The following ZEB2 variants were observed in gnomAD, a reference collection of about 807,000 sequenced individuals.
ZEB2 encodes zinc finger E-box binding homeobox 2.
In ZEB2, 6 loss-of-function variants were observed where a neutral mutation model predicts 99.9. The observed-to-expected ratio is 0.06, with a 90% CI of 0.03 to 0.12. ZEB2 has a LOEUF of 0.12. Among genes scored for constraint, ZEB2 ranks in the 10% least tolerant of loss-of-function variants. The pLI, the probability that ZEB2 is intolerant of heterozygous loss-of-function variation, is 1.00. For synonymous variants in ZEB2, 517 were observed against 542.5 expected (o/e 0.95, Z 0.65); for missense variants, 969 against 1,502.8 (o/e 0.64, Z 5.87).
In ZEB2 at chr2:144,399,637, C is replaced by T; in HGVS notation, c.1550G>A (p.Ser517Asn). ...NIPPVGLPVVSHNGATKSIID... is the reference protein window; with the variant it reads ...NIPPVGLPVVNHNGATKSIID... ...AATACTTTTAGTGGCACCATTATGA[C>T]TCACTACCGGAAGACCGACAGGCGG... is the stretch of plus-strand genomic sequence containing the variant. Residue 517 changes from serine (S) to asparagine (N), a missense_variant, in exon 8 of 10, where the codon AGT becomes AAT. Ser to Asn is a conservative substitution (Grantham distance 46, BLOSUM62 1). Around this residue, in one of 8 missense-constraint regions of ZEB2, gnomAD observed 227 missense variants for 278.2 expected, o/e 0.82. Transcript: ENST00000627532. This position sits in a 1 kb window ranked among gnomAD's most constrained non-coding sequence, Gnocchi z 5.6. The T allele has an allele frequency of 6.2e-7, 1 of 1,614,168 alleles. No individual in the cohort carries two copies. The highest frequency in any genetic ancestry group is 1.1e-5 in the South Asian group (1 of 91,088).
rs1206439177 is a variant in ZEB2 at position 144,500,643 on chromosome 2, A to T, written c.73+16635T>A. 2.0e-5 allele frequency among the ~76,000 whole-genome samples: 3 copies of T among 152,156 alleles called. No homozygotes were observed. The East Asian group carries it at 5.8e-4, about 29-fold the overall frequency. On this transcript the variant is annotated intron_variant, in intron 2 of 9. Coordinates refer to ENST00000627532, the MANE Select transcript of ZEB2 (RefSeq NM_014795.4). ...ACTAGTATCAGTTGGGGCTGATGAA[A>T]TGATAATCAAAACAATGGGCTTTCC... is the stretch of plus-strand genomic sequence containing the variant.
intron 2 of ZEB2, chr2:144,512,758 A>G: frequency 7.8e-7 from 1 of 1,287,238 alleles, no homozygotes; most frequent in Non-Finnish European, 1.0e-6. Context: ...CCAAAATAAA[A>G]CAAATAGATC....
intron 2 of ZEB2, among the ~76,000 whole-genome samples, chr2:144,468,621 G>T (rs145302591): frequency 2.6e-5 from 4 of 152,022 alleles, no homozygotes; most frequent in Non-Finnish European, 4.4e-5. Flanking sequence ...TAGCACATGT[G>T]TGTGTGCATG....
At chr2:144,485,045 G>C (rs1483925798) in intron 2 of ZEB2, among the ~76,000 whole-genome samples, 1 of 152,118 alleles carries the variant, frequency 6.6e-6, no homozygotes, top group Non-Finnish European at 1.5e-5. Flanking sequence ...ATGAAAATAA[G>C]ACTATGGATC....
intron 4 of ZEB2, among the ~76,000 whole-genome samples, chr2:144,417,875 A>T (rs926866096): frequency 2.6e-5 from 4 of 152,230 alleles, no homozygotes; most frequent in Non-Finnish European, 5.9e-5. Flanking sequence ...AAGGAGATGG[A>T]TATGCTAATC....
intron 4 of ZEB2, among the ~76,000 whole-genome samples, chr2:144,409,861 C>T (rs1703434997): frequency 6.6e-6 from 1 of 151,786 alleles, no homozygotes; most frequent in Non-Finnish European, 1.5e-5. Context: ...TGCATTCCAG[C>T]CTGAGTGACA....
In ZEB2 at chr2:144,498,072, T is replaced by A. The variant is rs867422187; in HGVS notation, c.73+19206A>T. Among the ~76,000 whole-genome samples, 177 of 31,652 alleles carry A rather than the reference T, an allele frequency of 5.6e-3. 8 individuals carry two copies. The highest frequency in any genetic ancestry group is 9.4e-3 in the Non-Finnish European group (129 of 13,658). The allele number at this position is 31,652 out of a possible 152,430, so 20.8% of individuals were successfully genotyped here. On this transcript the variant is annotated intron_variant, in intron 2 of 9. Coordinates refer to ENST00000627532, the MANE Select transcript of ZEB2 (RefSeq NM_014795.4). ...ATATATTATATAATATATATTAATA[T>A]TATATATTATATAATATATATTAAT...
At chr2:144,416,339 C>T (rs1351588329) in intron 4 of ZEB2, among the ~76,000 whole-genome samples, 1 of 152,156 alleles carries the variant, frequency 6.6e-6, no homozygotes, top group East Asian at 1.9e-4. Flanking sequence ...GAGTATCAAA[C>T]GTATCTTAAA....
chr2:144,511,820 G>T (rs764051633), intron 2 of ZEB2: 1 of 1,287,092 alleles, frequency 7.8e-7, no homozygotes, highest in East Asian at 5.5e-5. Context: ...GGGGAATAGG[G>T]CTATATTTAT....
intron 6 of ZEB2, among the ~76,000 whole-genome samples, chr2:144,401,595 T>A (rs1560608071): frequency 6.6e-6 from 1 of 152,204 alleles, no homozygotes; most frequent in Non-Finnish European, 1.5e-5. Flanking sequence ...CGAGGAAGTA[T>A]AACTGTAAAG....
Position 144,388,892 on chromosome 2 carries a change from A to G in ZEB2, c.*559T>C, listed in dbSNP as rs1703116773. The G allele has an allele frequency of 2.4e-6, 1 of 422,716 alleles. No individual in the cohort carries two copies. Among genetic ancestry groups the G allele is most frequent in the African/African-American group, 2.1e-5 (1 of 47,974 alleles). The allele number at this position is 422,716 out of a possible 1,614,324, so 26.2% of individuals were successfully genotyped here. Reference sequence around the variant, plus strand: ...GCATCACTTCAAGTTCCTTCACAGAAAAAAAAAAAAATTGAGGCCTAAAAT... The same window carrying G: ...GCATCACTTCAAGTTCCTTCACAGAGAAAAAAAAAAATTGAGGCCTAAAAT... On this transcript the variant is annotated 3_prime_UTR_variant, in exon 10 of 10. Transcript: ENST00000627532. This position sits in a 1 kb window ranked among gnomAD's most constrained non-coding sequence, Gnocchi z 5.4.
At position 144,476,416 on chromosome 2, in the gene ZEB2, C is replaced by T. The variant is rs1375949374; in HGVS notation, c.73+40862G>A. 4.6e-5 allele frequency among the ~76,000 whole-genome samples: 7 copies of T among 152,276 alleles called. No individual in the cohort carries two copies. The East Asian group carries it at 1.2e-3, about 25-fold the overall frequency. Reference sequence around the variant, plus strand: ...ACTTGAAGCTCAGCACACCTACTCACTTAAAAAGAATGAGCAGTAAATATG... The same window carrying T: ...ACTTGAAGCTCAGCACACCTACTCATTTAAAAAGAATGAGCAGTAAATATG... On this transcript the variant is annotated intron_variant, in intron 2 of 9. Coordinates refer to ENST00000627532, the MANE Select transcript of ZEB2 (RefSeq NM_014795.4).
At position 144,389,074 on chromosome 2, in the gene ZEB2, G is replaced by A. The variant is rs974360520; in HGVS notation, c.*377C>T. The A allele has an allele frequency of 1.0e-5, 5 of 479,994 alleles. No homozygotes were observed. The Admixed American group carries it at 1.1e-4, about 11-fold the overall frequency. The allele number at this position is 479,994 out of a possible 1,614,324, so 29.7% of individuals were successfully genotyped here. The stretch of plus-strand genomic sequence containing the variant: ...TAAAAATACTGATGTATGGTAGTGC[G>A]GGCACCTTTTTAAAATGTATTAATA... On this transcript the variant is annotated 3_prime_UTR_variant, in exon 10 of 10. Coordinates refer to ENST00000627532, the MANE Select transcript of ZEB2 (RefSeq NM_014795.4). The surrounding 1 kb of genome is among the most constrained non-coding windows in gnomAD (Gnocchi z 6.8).
intron 2 of ZEB2, among the ~76,000 whole-genome samples, chr2:144,482,707 C>T (rs770861208): frequency 7.9e-5 from 12 of 152,102 alleles, no homozygotes; most frequent in African/African-American, 2.9e-4. Context: ...TAAATTACTA[C>T]GGAGTCTTCT....
intron 2 of ZEB2, chr2:144,511,643 A>G: frequency 7.8e-7 from 1 of 1,287,046 alleles, no homozygotes; most frequent in Non-Finnish European, 1.0e-6. Context: ...CCAAGTGGTA[A>G]GCTGATGCTG....
intron 2 of ZEB2, among the ~76,000 whole-genome samples, chr2:144,508,294 G>A (rs1361679459): frequency 2.0e-5 from 3 of 152,100 alleles, no homozygotes; most frequent in Non-Finnish European, 4.4e-5. Flanking sequence ...GGTGCAACTC[G>A]AAGGGTGTAC....
At chr2:144,428,178 A>C (rs1019104652) in intron 3 of ZEB2, 2 of 152,194 alleles carry the variant, frequency 1.3e-5, no homozygotes, top group Non-Finnish European at 2.9e-5. Context: ...AAAGCATCAG[A>C]ACATTCATTC....
Position 144,499,908 on chromosome 2 carries a change from TA to T in ZEB2, c.73+17369del, listed in dbSNP as rs749324530. Among the ~76,000 whole-genome samples the T allele has an allele frequency of 3.3e-5, 5 of 152,308 alleles. No homozygotes were observed. In the East Asian group the frequency reaches 5.8e-4, roughly 18 times the overall value. Reference sequence around the variant, plus strand: ...TATGTGCAGCATTACTTTTAGAAAGTAAAAAACTGATGGATTGTGCCATCTA... The same window carrying T: ...TATGTGCAGCATTACTTTTAGAAAGTAAAAACTGATGGATTGTGCCATCTA... On this transcript the variant is annotated intron_variant, in intron 2 of 9. Transcript: ENST00000627532.
chr2:144,440,513 ATATTTTTTTTT>A (rs1184099126), intron 2 of ZEB2, among the ~76,000 whole-genome samples: 64 of 24,040 alleles, frequency 2.7e-3, no homozygotes, highest in African/African-American at 6.2e-3. Context: ...ATATATATAT[ATATTTTTTTTT>A]TTTTTTTTTT....
Sources: gnomAD v4.1 joint callset for allele counts (sites outside exome capture counted in the v4.1 genomes callset) on GRCh38, gnomAD v4.1.1 for gene constraint, gnomAD v4.1.1 regional missense constraint, Gnocchi (gnomAD v3.1) non-coding constraint, MANE v1.5 for transcripts, NCBI Gene and HGNC (gene_info 2026-07-23, HGNC 2026-07-21) for gene names.